Variants in ARHGEF4 observed in about 807,000 individuals in gnomAD.
ARHGEF4 encodes the protein APC-stimulated guanine nucleotide exchange factor 1.
A neutral mutation model predicts 162.0 loss-of-function variants in ARHGEF4; 119 were observed. The observed-to-expected ratio is 0.73, with a 90% CI of 0.63 to 0.86. The LOEUF (loss-of-function observed/expected upper bound fraction) is 0.86, where lower values mean the gene tolerates loss of function less well. ARHGEF4 is among the 40% of genes least tolerant of loss of function. The pLI is 0.00. For missense variants in ARHGEF4, 2,488 were observed against 2,456.0 expected (o/e 1.01, Z -0.28); for synonymous variants, 1,014 against 979.9 (o/e 1.03, Z -0.65).
chr2:130,879,297 A>G (rs1442356335), intron 1 of ARHGEF4, among the ~76,000 whole-genome samples: 1 of 152,080 alleles, frequency 6.6e-6, no homozygotes, highest in Non-Finnish European at 1.5e-5. Flanking sequence ...TTTACAGGAG[A>G]TTTTTTTCTT....
chr2:130,981,672 AG>A (rs1330860940), intron 4 of ARHGEF4, among the ~76,000 whole-genome samples: 5 of 151,450 alleles, frequency 3.3e-5, no homozygotes, highest in African/African-American at 1.2e-4. Context: ...AAAAAAAAAA[AG>A]AAAAAAAAGA....
At chr2:130,875,238 C>T (rs190670456) in intron 1 of ARHGEF4, among the ~76,000 whole-genome samples, 2 of 152,248 alleles carry the variant, frequency 1.3e-5, no homozygotes, top group Admixed American at 6.5e-5. Flanking sequence ...TCTAGATTAG[C>T]GCATTGCTTG....
intron 4 of ARHGEF4, among the ~76,000 whole-genome samples, chr2:130,966,678 G>A (rs1000136786): frequency 6.6e-6 from 1 of 152,248 alleles, no homozygotes; most frequent in African/African-American, 2.4e-5. Context: ...TGCCGGTCCG[G>A]TGGTGCGTTG....
rs1574245264 is a variant in ARHGEF4, at chr2:130,926,917, G to A, written c.3553-4035G>A. Among the ~76,000 whole-genome samples, 5 of 139,248 alleles carry A rather than the reference G, an allele frequency of 3.6e-5. No individual in the cohort carries two copies. In the East Asian group the frequency reaches 1.1e-3, roughly 32 times the overall value. The allele number at this position is 139,248 out of a possible 152,430, so 91.4% of individuals were successfully genotyped here. ...CAGGCTTGGAATATTTCTGTTGGGG[G>A]GAGAAGTTTATGGTGGGGTTGGAAT... On this transcript the variant is annotated intron_variant, in intron 2 of 13. Transcript: ENST00000409359.
chr2:130,840,711 A>G (rs557982589), intron 1 of ARHGEF4, among the ~76,000 whole-genome samples: 2 of 152,296 alleles, frequency 1.3e-5, no homozygotes, highest in South Asian at 4.1e-4. Flanking sequence ...AGCTCTCGTC[A>G]TGGCCTGCAT....
chr2:130,914,810 C>T lies in ARHGEF4; in HGVS notation c.864C>T (p.Pro288=). The change falls in exon 2 of 14, where the codon CCC becomes CCT. Residue 288 remains proline, a synonymous_variant. Coordinates refer to ENST00000409359, the MANE Select transcript of ARHGEF4 (RefSeq NM_001367493.1). ...ACACAGAATTGCTCTGGTCCCAGCC[C>T]CACTCGGATGTCCCCTGCCAGCCTC... ...AGDTELLWSQ[P]HSDVPCQPPL... is the part of the protein sequence containing the mutation. The T allele has an allele frequency of 6.9e-7, 1 of 1,450,228 alleles. No homozygotes were observed. Among genetic ancestry groups the T allele is most frequent in the Non-Finnish European group, 9.1e-7 (1 of 1,104,548 alleles). 89.8% of individuals were successfully genotyped at this position (1,450,228 alleles called of 1,614,324 possible). A position where few individuals can be genotyped will look rare whatever the true frequency, so the allele number is the denominator to read the frequency against.
intron 1 of ARHGEF4, among the ~76,000 whole-genome samples, chr2:130,852,622 G>A (rs1681489300): frequency 6.6e-6 from 1 of 152,232 alleles, no homozygotes; most frequent in Admixed American, 6.5e-5. Flanking sequence ...GGGACGCCCT[G>A]CACGGAGGCG....
In ARHGEF4 at chr2:130,986,927, G is replaced by A. The variant is rs542040787; in HGVS notation, c.3985+40292G>A. On this transcript the variant is annotated intron_variant, in intron 4 of 13. Transcript: ENST00000409359. ...AATCCTAGGTGGTTTGCACCAGGAGGTGAAGGCGGAGGACCACAATCTCGC... is the reference window on the plus strand; with the variant it reads ...AATCCTAGGTGGTTTGCACCAGGAGATGAAGGCGGAGGACCACAATCTCGC... Among the ~76,000 whole-genome samples the A allele has an allele frequency of 4.6e-5, 7 of 152,356 alleles. No homozygotes were observed. The East Asian group carries it at 1.3e-3, about 29-fold the overall frequency.
At position 131,047,011 on chromosome 2, in the gene ARHGEF4, G is replaced by C. The variant is rs565128923; in HGVS notation, c.*822G>C. 6.6e-6 allele frequency: 1 copy of C among 152,534 alleles called. No individual in the cohort carries two copies. Among genetic ancestry groups the C allele is most frequent in the East Asian group, 1.9e-4 (1 of 5,192 alleles). The allele number at this position is 152,534 out of a possible 1,614,324, so 9.4% of individuals were successfully genotyped here. A position where few individuals can be genotyped will look rare whatever the true frequency, so the allele number is the denominator to read the frequency against. ...AGAAGATTGCCTTACGCTCGTGAGC[G>C]TGAGAAGCCATAAGAGAGAGACCGA... is the stretch of plus-strand genomic sequence containing the variant. On this transcript the variant is annotated 3_prime_UTR_variant, in exon 14 of 14. Transcript: ENST00000409359.
In ARHGEF4 at chr2:130,997,545, A is replaced by G. The variant is rs138849453; in HGVS notation, c.3986-30400A>G. Among the ~76,000 whole-genome samples, 4 of 152,322 alleles carry G rather than the reference A, an allele frequency of 2.6e-5. No individual in the cohort carries two copies. In the East Asian group the frequency reaches 7.7e-4, roughly 29 times the overall value. On this transcript the variant is annotated intron_variant, in intron 4 of 13. Transcript: ENST00000409359. ...CTTCTCTGGTTTTCTGTCTTGAAGC[A>G]AACCCATCTTAACTTTCTCCATTAC...
chr2:130,992,609 G>A (rs867222135), intron 4 of ARHGEF4, among the ~76,000 whole-genome samples: 5 of 152,002 alleles, frequency 3.3e-5, no homozygotes, highest in African/African-American at 1.2e-4. Flanking sequence ...AACTCCAGAC[G>A]CGCCACCTTA....
intron 5 of ARHGEF4, among the ~76,000 whole-genome samples, chr2:131,036,369 A>G (rs753140994): frequency 9.9e-5 from 15 of 152,172 alleles, no homozygotes; most frequent in Non-Finnish European, 7.3e-5. Context: ...TTGGTGGGAG[A>G]CACAGGAGGA....
intron 4 of ARHGEF4, among the ~76,000 whole-genome samples, chr2:130,973,901 T>A (rs1336265657): frequency 2.6e-5 from 4 of 152,148 alleles, no homozygotes; most frequent in African/African-American, 9.7e-5. Context: ...TCATTTAGTG[T>A]TTGATTTTGG....
At chr2:130,976,708 C>T (rs1408641361) in intron 4 of ARHGEF4, among the ~76,000 whole-genome samples, 1 of 152,182 alleles carries the variant, frequency 6.6e-6, no homozygotes, top group Non-Finnish European at 1.5e-5. Context: ...AAGGTGGGGT[C>T]TCAGACTGGG....
Position 131,040,179 on chromosome 2 carries a change from G to A in ARHGEF4, c.4469G>A (p.Arg1490His), listed in dbSNP as rs1690677827. The change falls in exon 7 of 14, where the codon CGC (arginine) becomes CAC (histidine). Residue 1490 changes from arginine (R) to histidine (H), a missense_variant. By Grantham distance (29) the Arg-to-His change is conservative (BLOSUM62 0). This residue lies in a region of ARHGEF4 where 174 missense variants were observed against 148.3 expected (regional missense o/e 1.17). Coordinates refer to ENST00000409359, the MANE Select transcript of ARHGEF4 (RefSeq NM_001367493.1). ...GAGCGGGACTACATCAAGCACCTGCGCGACATCTGCGAGGTGAGGCCCGGC... is the reference window on the plus strand; with the variant it reads ...GAGCGGGACTACATCAAGCACCTGCACGACATCTGCGAGGTGAGGCCCGGC... ...STERDYIKHL[R>H]DICEGYVRQC... is the part of the protein sequence containing the mutation. 2 of 1,610,586 alleles carry A rather than the reference G, an allele frequency of 1.2e-6. No homozygotes were observed. Among genetic ancestry groups the A allele is most frequent in the Middle Eastern group, 3.3e-4 (2 of 6,050 alleles).
intron 4 of ARHGEF4, among the ~76,000 whole-genome samples, chr2:130,977,304 GTGTGTT>G (rs1274181628): frequency 4.0e-5 from 6 of 151,870 alleles, no homozygotes; most frequent in African/African-American, 1.5e-4. Context: ...TATGCATAGT[GTGTGTT>G]TGTGTTTGTA....
intron 1 of ARHGEF4, among the ~76,000 whole-genome samples, chr2:130,869,459 G>A (rs1293309918): frequency 6.6e-6 from 1 of 152,230 alleles, no homozygotes; most frequent in African/African-American, 2.4e-5. Flanking sequence ...TTACCCCTGA[G>A]ATAAGCAGGG....
chr2:130,838,325 G>A (rs549115341), intron 1 of ARHGEF4, among the ~76,000 whole-genome samples: 9 of 152,330 alleles, frequency 5.9e-5, no homozygotes, highest in African/African-American at 1.9e-4. Flanking sequence ...AGTGTGGCCC[G>A]GCGCGGTGGC....
Position 131,043,588 on chromosome 2 carries a change from C to G in ARHGEF4, c.5157+5C>G. On this transcript the variant is annotated splice_donor_5th_base_variant and intron_variant, in intron 11 of 13. Coordinates refer to ENST00000409359, the MANE Select transcript of ARHGEF4 (RefSeq NM_001367493.1). Reference sequence around the variant, plus strand: ...CAGCTCATCTACTGTAAGAAGGTACCAGAGCTGCTCTGCCCTGCTGCCCCA... The same window carrying G: ...CAGCTCATCTACTGTAAGAAGGTACGAGAGCTGCTCTGCCCTGCTGCCCCA... 6.2e-7 allele frequency: 1 copy of G among 1,613,850 alleles called. No homozygotes were observed. The highest frequency in any genetic ancestry group is 1.6e-4 in the Middle Eastern group (1 of 6,062).
Sources: allele counts gnomAD v4.1 joint callset (sites outside exome capture counted in the v4.1 genomes callset), GRCh38; gene constraint gnomAD v4.1.1; regional missense constraint gnomAD v4.1.1; transcripts MANE v1.5; gene names NCBI Gene and HGNC (gene_info 2026-07-23, HGNC 2026-07-21).